Variants in AQR observed in about 807,000 individuals in gnomAD.
AQR encodes the protein RNA helicase aquarius.
In AQR, 61 loss-of-function variants were observed where a neutral mutation model predicts 180.5. The ratio of observed to expected loss-of-function variants is 0.34; its 90% CI spans 0.28 to 0.42. AQR has a LOEUF of 0.42. Among genes scored for constraint, AQR ranks in the 10% least tolerant of loss-of-function variants. The probability of loss-of-function intolerance (pLI) is 1.00; values close to 1 mark genes in which losing one functional copy is unlikely to be tolerated. For missense variants in AQR, 1,281 were observed against 1,798.3 expected (o/e 0.71, Z 5.20); for synonymous variants, 551 against 588.8 (o/e 0.94, Z 0.93).
rs1312473846 is a variant in AQR, at chr15:34,870,768, A to G, written c.3752T>C (p.Ile1251Thr). Reference sequence around the variant, plus strand: ...TAAAAGTACCTTGTTTGGTCTTCCAATCAATGGATTGTTTCCACATCGTCT... The same window carrying G: ...TAAAAGTACCTTGTTTGGTCTTCCAGTCAATGGATTGTTTCCACATCGTCT... ...INRRCGNNPL[I>T]GRPNKVTTVD... The change falls in exon 31 of 35, where the codon ATT becomes ACT. Residue 1251 changes from isoleucine to threonine, a missense_variant. This residue lies in a region of AQR where 197 missense variants were observed against 320.7 expected (regional missense o/e 0.61). Transcript: ENST00000156471. 6.2e-7 allele frequency: 1 copy of G among 1,611,630 alleles called. No individual in the cohort carries two copies. The highest frequency in any genetic ancestry group is 8.5e-7 in the Non-Finnish European group (1 of 1,178,966).
At chr15:34,936,177 C>G (rs1893940857) in intron 9 of AQR, among the ~76,000 whole-genome samples, 1 of 152,172 alleles carries the variant, frequency 6.6e-6, no homozygotes, top group South Asian at 2.1e-4. Flanking sequence ...TAACAGCAAT[C>G]TTAACATCTC....
At chr15:34,932,742 G>C (rs1893885378) in intron 10 of AQR, among the ~76,000 whole-genome samples, 1 of 152,102 alleles carries the variant, frequency 6.6e-6, no homozygotes. Context: ...ATCACCTGAG[G>C]TCAGGAGTTC....
At position 34,859,052 on chromosome 15, in the gene AQR, CTT is replaced by C. The variant is rs1892632041; in HGVS notation, c.4143+988_4143+989del. Among the ~76,000 whole-genome samples, 7 of 152,266 alleles carry C rather than the reference CTT, an allele frequency of 4.6e-5. No individual in the cohort carries two copies. The South Asian group carries it at 1.4e-3, about 32-fold the overall frequency. ...AAAAAGCATGAATCATAAAAGAACACTTTGATACATTGAACTTCATCAAAATT... is the reference window on the plus strand; with the variant it reads ...AAAAAGCATGAATCATAAAAGAACACTGATACATTGAACTTCATCAAAATT... On this transcript the variant is annotated intron_variant, in intron 34 of 34. Coordinates refer to ENST00000156471, the MANE Select transcript of AQR (RefSeq NM_014691.3).
intron 28 of AQR, 54 bp downstream of exon 28, chr15:34,875,881 T>C: frequency 7.2e-7 from 1 of 1,379,568 alleles, no homozygotes; most frequent in Non-Finnish European, 1.0e-6. Flanking sequence ...TCTGATGCTG[T>C]CCTCAGCATT....
In AQR at chr15:34,941,993, T is replaced by C. The variant is rs1349528727; in HGVS notation, c.540+19A>G. The stretch of plus-strand genomic sequence containing the variant: ...CTTATAACACATACATTCATAAGAC[T>C]CTGAAATTAGAGACTTACCAGCTGT... On this transcript the variant is annotated intron_variant, in intron 7 of 34. Coordinates refer to ENST00000156471, the MANE Select transcript of AQR (RefSeq NM_014691.3). 1.3e-6 allele frequency: 2 copies of C among 1,591,762 alleles called. No homozygotes were observed. Among genetic ancestry groups the C allele is most frequent in the Non-Finnish European group, 1.7e-6 (2 of 1,162,218 alleles).
chr15:34,911,155 A>ATG, intron 16 of AQR, among the ~76,000 whole-genome samples: 2 of 152,296 alleles, frequency 1.3e-5, no homozygotes, highest in South Asian at 4.1e-4. Context: ...GTTTTTATAT[A>ATG]TGTACACACA....
At chr15:34,878,723 T>C (rs1378857820) in intron 27 of AQR, among the ~76,000 whole-genome samples, 1 of 152,092 alleles carries the variant, frequency 6.6e-6, no homozygotes, top group African/African-American at 2.4e-5. Flanking sequence ...GAATTAATAT[T>C]TAACTTCGTG....
intron 27 of AQR, among the ~76,000 whole-genome samples, chr15:34,880,516 A>C (rs1892956575): frequency 6.6e-6 from 1 of 152,214 alleles, no homozygotes; most frequent in Non-Finnish European, 1.5e-5. Context: ...TTGGTGGTAA[A>C]AACAGAAAAC....
rs145731392 is a variant in AQR, at chr15:34,959,065, T to C, written c.173+1709A>G. Among the ~76,000 whole-genome samples, 1,351 of 152,292 alleles carry C rather than the reference T, an allele frequency of 8.9e-3. 6 individuals carry two copies. The highest frequency in any genetic ancestry group is 0.015 in the Non-Finnish European group (1,028 of 68,024). ...TGTCCGTCTGTCTGACCTACTAGAA[T>C]GTAAGCTCCAGGAGAGCAGGGATCG... On this transcript the variant is annotated intron_variant, in intron 3 of 34. Coordinates refer to ENST00000156471, the MANE Select transcript of AQR (RefSeq NM_014691.3).
At chr15:34,867,422 A>G (rs1892750731) in intron 32 of AQR, 102 bp downstream of exon 32, 2 of 975,708 alleles carry the variant, frequency 2.0e-6, no homozygotes. Flanking sequence ...TAGTAATTAT[A>G]GTTTAAACTT....
At chr15:34,897,192 C>T (rs549057505) in intron 21 of AQR, among the ~76,000 whole-genome samples, 4 of 152,210 alleles carry the variant, frequency 2.6e-5, no homozygotes, top group African/African-American at 9.6e-5. Context: ...ATTTGGAGTG[C>T]CAAAGTTCTA....
chr15:34,861,898 T>C (rs1402621545), intron 33 of AQR, among the ~76,000 whole-genome samples: 2 of 152,152 alleles, frequency 1.3e-5, no homozygotes, highest in South Asian at 2.1e-4. Context: ...AGACGTATAC[T>C]GTGAACATCT....
At chr15:34,917,140 A>G (rs1481269763) in intron 15 of AQR, among the ~76,000 whole-genome samples, 7 of 152,234 alleles carry the variant, frequency 4.6e-5, no homozygotes, top group Non-Finnish European at 8.8e-5. Flanking sequence ...AGAAAGCAAC[A>G]TATTAACCAC....
Position 34,930,261 on chromosome 15 carries a change from T to C in AQR, c.1011A>G (p.Leu337=), listed in dbSNP as rs778728882. The C allele has an allele frequency of 1.9e-6, 3 of 1,570,158 alleles. No homozygotes were observed. Among genetic ancestry groups the C allele is most frequent in the Non-Finnish European group, 2.6e-6 (3 of 1,141,844 alleles). The stretch of plus-strand genomic sequence containing the variant: ...GTCTATAATGTATTTTAATTACCTG[T>C]AGAGAAGTAATTCTATCATAGTGAA... ...TTIHYDRITS[L]QRAAFAHFPE... is the part of the protein sequence containing the mutation. Residue 337 remains leucine, a synonymous_variant, in exon 12 of 35, where the codon CTA becomes CTG. Transcript: ENST00000156471.
In AQR at chr15:34,856,759, G is replaced by C. The variant is rs781042524; in HGVS notation, c.*33C>G. ...ACAGCTTTACTCAGACTTTTTGACT[G>C]CCATGTCCTCCTTTAGAAGGACTAC... On this transcript the variant is annotated 3_prime_UTR_variant, in exon 35 of 35. Coordinates refer to ENST00000156471, the MANE Select transcript of AQR (RefSeq NM_014691.3). 1 of 1,454,466 alleles carries C rather than the reference G, an allele frequency of 6.9e-7. No individual in the cohort carries two copies. The highest frequency in any genetic ancestry group is 1.6e-5 in the South Asian group (1 of 61,714). 90.1% of individuals were successfully genotyped at this position (1,454,466 alleles called of 1,614,324 possible).
chr15:34,949,276 A>ATGAGACACTACACTGGGCC (rs1894178832), intron 4 of AQR, among the ~76,000 whole-genome samples: 1 of 150,286 alleles, frequency 6.7e-6, no homozygotes, highest in Non-Finnish European at 1.5e-5. Flanking sequence ...GATTACAGGC[A>ATGAGACACTACACTGGGCC]TGAGCCACTA....
At chr15:34,879,877 CAA>C (rs2140465928) in intron 27 of AQR, among the ~76,000 whole-genome samples, 1 of 152,244 alleles carries the variant, frequency 6.6e-6, no homozygotes, top group East Asian at 1.9e-4. Context: ...GGAATTATGT[CAA>C]AAGTCTGTGT....
In AQR at chr15:34,874,111, C is replaced by A; in HGVS notation, c.3426-112G>T. ...TGCTTCTTTTAAATTTTCATGTTAG[C>A]CATTTTGGCTCATCTTTTAAGCAAT... On this transcript the variant is annotated intron_variant, in intron 29 of 34. Transcript: ENST00000156471. 3.5e-6 allele frequency: 4 copies of A among 1,135,356 alleles called. No homozygotes were observed. In the South Asian group the frequency reaches 9.6e-5, roughly 27 times the overall value. The allele number at this position is 1,135,356 out of a possible 1,614,324, so 70.3% of individuals were successfully genotyped here. A position where few individuals can be genotyped will look rare whatever the true frequency, so the allele number is the denominator to read the frequency against.
intron 12 of AQR, among the ~76,000 whole-genome samples, chr15:34,928,424 C>T (rs576847442): frequency 6.6e-6 from 1 of 152,188 alleles, no homozygotes; most frequent in South Asian, 2.1e-4. Flanking sequence ...TCAACTCCTG[C>T]TTATGAGTGA....
Sources: allele counts gnomAD v4.1 joint callset (sites outside exome capture counted in the v4.1 genomes callset), GRCh38; gene constraint gnomAD v4.1.1; regional missense constraint gnomAD v4.1.1; transcripts MANE v1.5; gene names NCBI Gene and HGNC (gene_info 2026-07-23, HGNC 2026-07-21).